SELENON: variants seen among roughly 807,000 people sequenced by gnomAD.
SELENON encodes selenoprotein N, 1.
Under a neutral mutation model 59.5 loss-of-function variants are expected in SELENON, and 44 were observed. The ratio of observed to expected loss-of-function variants is 0.74; its 90% CI spans 0.58 to 0.95. The LOEUF (loss-of-function observed/expected upper bound fraction) is 0.95, where lower values mean the gene tolerates loss of function less well. Among genes scored for constraint, SELENON ranks in the 40% least tolerant of loss-of-function variants. SELENON has a pLI of 0.00. For synonymous variants in SELENON, 320 were observed against 305.6 expected (o/e 1.05, Z -0.49); for missense variants, 674 against 721.4 (o/e 0.93, Z 0.75).
At position 25,809,765 on chromosome 1, in the gene SELENON, C is replaced by T; in HGVS notation, c.955C>T (p.Leu319Phe). The change falls in exon 7 of 13, where the codon CTC (leucine) becomes TTC (phenylalanine). Residue 319 changes from leucine to phenylalanine, a missense_variant. Coordinates refer to ENST00000361547, the MANE Select transcript of SELENON (RefSeq NM_020451.3). Reference sequence around the variant, plus strand: ...TGCTCAGTTCACCGGCCACATCATCCTCTCCAAAGACGCCACCCACGTCCG... The same window carrying T: ...TGCTCAGTTCACCGGCCACATCATCTTCTCCAAAGACGCCACCCACGTCCG... 3 of 1,614,182 alleles carry T rather than the reference C, an allele frequency of 1.9e-6. No homozygotes were observed. Among genetic ancestry groups the T allele is most frequent in the Non-Finnish European group, 1.7e-6 (2 of 1,180,050 alleles).
intron 12 of SELENON, among the ~76,000 whole-genome samples, chr1:25,814,970 G>A (rs1572237521): frequency 1.3e-5 from 2 of 152,140 alleles, no homozygotes; most frequent in South Asian, 4.1e-4. Context: ...TGTCCCAGGC[G>A]CAAGGGTGAT....
At chr1:25,811,983 G>A (rs2047965243) in intron 9 of SELENON, 104 bp downstream of exon 8, 2 of 1,208,440 alleles carry the variant, frequency 1.7e-6, no homozygotes, top group Admixed American at 2.0e-5. Flanking sequence ...TGCAGGGCTT[G>A]CTACTGAGGC....
At chr1:25,809,261 G>A (rs758783420) in intron 6 of SELENON, 111 bp downstream of exon 5, 26 of 1,511,520 alleles carry the variant, frequency 1.7e-5, no homozygotes, top group East Asian at 4.7e-5. Flanking sequence ...TCCCACTGCC[G>A]TCTTGGGCAA....
rs767756608 is a variant in SELENON at position 25,809,022 on chromosome 1, C to G, written c.748-4C>G. On this transcript the variant is annotated splice_polypyrimidine_tract_variant and splice_region_variant and intron_variant, in intron 5 of 12. Coordinates refer to ENST00000361547, the MANE Select transcript of SELENON (RefSeq NM_020451.3). ...AGCCAGTACGTGCCTCCCGCCGCCC[C>G]CAGGTCATCATCCACCGGCTCCTGA... 2 of 1,613,670 alleles carry G rather than the reference C, an allele frequency of 1.2e-6. No homozygotes were observed. The highest frequency in any genetic ancestry group is 1.7e-6 in the Non-Finnish European group (2 of 1,180,006).
intron 10 of SELENON, 124 bp from the exon 10 acceptor site, chr1:25,813,757 G>C: frequency 1.3e-6 from 1 of 764,024 alleles, no homozygotes; most frequent in Non-Finnish European, 2.4e-6. Flanking sequence ...TCTACCTCAG[G>C]CTCTTTGAAT....
rs139733429 is a variant in SELENON at position 25,804,813 on chromosome 1, G to A, written c.404-329G>A. On this transcript the variant is annotated intron_variant, in intron 3 of 12. Transcript: ENST00000361547. ...TCTCAGTCCCAGAAGACCTAGAAAAGGGTCGTGGTTGGTCATGGGTTTCGA... is the reference window on the plus strand; with the variant it reads ...TCTCAGTCCCAGAAGACCTAGAAAAAGGTCGTGGTTGGTCATGGGTTTCGA... Among the ~76,000 whole-genome samples, 1,021 of 152,244 alleles carry A rather than the reference G, an allele frequency of 6.7e-3. 11 individuals carry two copies. The highest frequency in any genetic ancestry group is 0.022 in the African/African-American group (912 of 41,540).
chr1:25,813,760 C>G lies in SELENON; in HGVS notation c.1388-121C>G, dbSNP rs1439371418. On this transcript the variant is annotated intron_variant, in intron 10 of 12. Transcript: ENST00000361547. ...TTCAGCACCTACTCTACCTCAGGCT[C>G]TTTGAATCTGTTATTTCACTTGGGT... 36 of 776,684 alleles carry G rather than the reference C, an allele frequency of 4.6e-5. No individual in the cohort carries two copies. In the East Asian group the frequency reaches 8.9e-4, roughly 19 times the overall value. 48.1% of individuals were successfully genotyped at this position (776,684 alleles called of 1,614,324 possible).
intron 3 of SELENON, among the ~76,000 whole-genome samples, chr1:25,803,137 G>A (rs1202244802): frequency 2.0e-5 from 3 of 152,178 alleles, no homozygotes; most frequent in South Asian, 2.1e-4. Context: ...TAAACAGGTC[G>A]TCCCCTTGTG....
At chr1:25,808,505 C>A in intron 4 of SELENON, 75 bp from the exon 4 acceptor site, 2 of 1,561,644 alleles carry the variant, frequency 1.3e-6, no homozygotes, top group Non-Finnish European at 1.8e-6. Context: ...TTGAGGGAGA[C>A]CTCCACCCAC....
intron 2 of SELENON, among the ~76,000 whole-genome samples, chr1:25,801,740 T>G (rs1041039415): frequency 1.3e-5 from 2 of 152,144 alleles, no homozygotes; most frequent in African/African-American, 2.4e-5. Context: ...ATTTAAGTAT[T>G]TCATGTGGGT....
chr1:25,814,099 A>G lies in SELENON; in HGVS notation c.1523A>G (p.His508Arg). ...CAGAACAACCAGGAGAACTCGTCCC[A>G]CCAGAAGCTGGCTGGCCTGCACCTG... Residue 508 changes from histidine to arginine, a missense_variant, in exon 12 of 13, where the codon CAC (histidine) becomes CGC (arginine). Physicochemically the swap from His to Arg is conservative, Grantham distance 29. Coordinates refer to ENST00000361547, the MANE Select transcript of SELENON (RefSeq NM_020451.3). 1 of 1,614,144 alleles carries G rather than the reference A, an allele frequency of 6.2e-7. No homozygotes were observed. Among genetic ancestry groups the G allele is most frequent in the Non-Finnish European group, 8.5e-7 (1 of 1,180,000 alleles).
chr1:25,809,466 G>C (rs761795946), intron 6 of SELENON, among the ~76,000 whole-genome samples: 30 of 152,238 alleles, frequency 2.0e-4, no homozygotes, highest in Non-Finnish European at 4.0e-4. Flanking sequence ...AGCTGTGAAG[G>C]CTGGGGGAGG....
At chr1:25,810,626 G>A (rs2047949609) in intron 7 of SELENON, among the ~76,000 whole-genome samples, 1 of 152,198 alleles carries the variant, frequency 6.6e-6, no homozygotes, top group Non-Finnish European at 1.5e-5. Context: ...ACTGACTCCT[G>A]GCCTACTTCA....
rs2047942429 is a variant in SELENON at position 25,809,760 on chromosome 1, T to A, written c.950T>A (p.Ile317Asn). The change falls in exon 7 of 13, where the codon ATC becomes AAC. Residue 317 changes from isoleucine (I) to asparagine (N), a missense_variant. Coordinates refer to ENST00000361547, the MANE Select transcript of SELENON (RefSeq NM_020451.3). Reference sequence around the variant, plus strand: ...TCCCCTGCTCAGTTCACCGGCCACATCATCCTCTCCAAAGACGCCACCCAC... The same window carrying A: ...TCCCCTGCTCAGTTCACCGGCCACAACATCCTCTCCAAAGACGCCACCCAC... 6.2e-7 allele frequency: 1 copy of A among 1,613,952 alleles called. No individual in the cohort carries two copies. The highest frequency in any genetic ancestry group is 1.1e-5 in the South Asian group (1 of 91,082).
In SELENON at chr1:25,814,192, C is replaced by T. The variant is rs41284307; in HGVS notation, c.1602+14C>T. The T allele has an allele frequency of 1.7e-3, 2,700 of 1,610,250 alleles. 4 individuals carry two copies. Among genetic ancestry groups the T allele is most frequent in the Non-Finnish European group, 2.2e-3 (2,553 of 1,177,366 alleles). On this transcript the variant is annotated intron_variant, in intron 12 of 12. Transcript: ENST00000361547. ...AATGGCACCGTGGTAGGCACCCCCACTCAGACCCCACAGGGCCCAGGCACC... is the reference window on the plus strand; with the variant it reads ...AATGGCACCGTGGTAGGCACCCCCATTCAGACCCCACAGGGCCCAGGCACC...
In SELENON at chr1:25,815,729, C is replaced by A. The variant is rs572790957; in HGVS notation, c.*11C>A. On this transcript the variant is annotated 3_prime_UTR_variant, in exon 13 of 13. Transcript: ENST00000361547. ...CTCCTCCAGCCCTAGAGTGCCTGGA[C>A]GGGATCTGATGCACAGGCCCCCACG... The A allele has an allele frequency of 3.7e-6, 6 of 1,613,176 alleles. No homozygotes were observed. Among genetic ancestry groups the A allele is most frequent in the Non-Finnish European group, 4.2e-6 (5 of 1,179,934 alleles).
intron 4 of SELENON, 32 bp from the exon 4 acceptor site, chr1:25,808,548 G>A: frequency 6.2e-7 from 1 of 1,611,588 alleles, no homozygotes; most frequent in Non-Finnish European, 8.5e-7. Flanking sequence ...CAGGTTCTCA[G>A]ATTCCTGGAG....
In SELENON at chr1:25,815,579, A is replaced by T; in HGVS notation, c.1634A>T (p.Asp545Val). 6.2e-7 allele frequency: 1 copy of T among 1,614,140 alleles called. No individual in the cohort carries two copies. The highest frequency in any genetic ancestry group is 8.5e-7 in the Non-Finnish European group (1 of 1,180,012). Residue 545 changes from aspartate to valine, a missense_variant, in exon 13 of 13, where the codon GAC becomes GTC. Asp to Val is a radical substitution (Grantham distance 152). Transcript: ENST00000361547. Reference sequence around the variant, plus strand: ...CACATCAATGCCAACTACTTCTTGGACATCACCTCCGTGAAGCCCGAGGAA... The same window carrying T: ...CACATCAATGCCAACTACTTCTTGGTCATCACCTCCGTGAAGCCCGAGGAA...
rs867555591 is a variant in SELENON at position 25,800,217 on chromosome 1, C to A, written c.-14C>A. 1,058 of 672,744 alleles carry A rather than the reference C, an allele frequency of 1.6e-3. 12 individuals carry two copies. The African/African-American group carries it at 0.019, about 12-fold the overall frequency. 41.7% of individuals were successfully genotyped at this position (672,744 alleles called of 1,614,324 possible). A position where few individuals can be genotyped will look rare whatever the true frequency, so the allele number is the denominator to read the frequency against. ...CGCTTCCCGGGCCGCCGGCAGCCGCCGCCAGCCGCAGCCATGGGCCGGGCC... is the reference window on the plus strand; with the variant it reads ...CGCTTCCCGGGCCGCCGGCAGCCGCAGCCAGCCGCAGCCATGGGCCGGGCC... On this transcript the variant is annotated 5_prime_UTR_variant, in exon 1 of 13. Transcript: ENST00000361547.
Sources: gnomAD v4.1 joint callset for allele counts (sites outside exome capture counted in the v4.1 genomes callset) on GRCh38, gnomAD v4.1.1 for gene constraint, MANE v1.5 for transcripts, NCBI Gene and HGNC (gene_info 2026-07-23, HGNC 2026-07-21) for gene names.